Variants in SMYD3 observed in about 807,000 individuals in gnomAD.
SMYD3 encodes histone-lysine N-methyltransferase SMYD3.
In SMYD3, 36 loss-of-function variants were observed where a neutral mutation model predicts 57.7. The ratio of observed to expected loss-of-function variants is 0.62; its 90% CI spans 0.48 to 0.82. SMYD3 has a LOEUF of 0.82. Among genes scored for constraint, SMYD3 ranks in the 40% least tolerant of loss-of-function variants. SMYD3 has a pLI of 0.00. For missense variants in SMYD3, 515 were observed against 538.8 expected, an observed-to-expected ratio of 0.96 and a Z score of 0.44; for synonymous variants, 211 against 195.0, an observed-to-expected ratio of 1.08 and a Z score of -0.68.
At chr1:245,805,156 G>GAA (rs35965611) in intron 10 of SMYD3, among the ~76,000 whole-genome samples, 9 of 128,762 alleles carry the variant, frequency 7.0e-5, no homozygotes, top group African/African-American at 1.9e-4. Context: ...AAGTGAGAAT[G>GAA]AAAAAAAAAA....
intron 5 of SMYD3, 61 bp from the exon 6 acceptor site, chr1:245,929,998 GA>G: frequency 6.8e-7 from 1 of 1,478,302 alleles, no homozygotes. Context: ...TCATAGCCAA[GA>G]GAATAAAAAA....
chr1:246,457,027 C>T lies in SMYD3; in HGVS notation c.164+50027G>A, dbSNP rs80082468. Among the ~76,000 whole-genome samples the T allele has an allele frequency of 5.1e-3, 774 of 152,328 alleles. 9 individuals carry two copies. Among genetic ancestry groups the T allele is most frequent in the African/African-American group, 0.017 (721 of 41,562 alleles). Reference sequence around the variant, plus strand: ...ATTTAAGTTCTCCTTTGTGCTTTCACTTCTACAGCCTTATATGGAGCCTTC... The same window carrying T: ...ATTTAAGTTCTCCTTTGTGCTTTCATTTCTACAGCCTTATATGGAGCCTTC... On this transcript the variant is annotated intron_variant, in intron 1 of 11. Coordinates refer to ENST00000490107, the MANE Select transcript of SMYD3 (RefSeq NM_001167740.2).
At chr1:245,920,276 G>A (rs1178101002) in intron 7 of SMYD3, among the ~76,000 whole-genome samples, 3 of 131,964 alleles carry the variant, frequency 2.3e-5, no homozygotes, top group African/African-American at 5.8e-5. Context: ...TCATGCCACT[G>A]CACTCCAGCC....
chr1:245,828,709 A>AT lies in SMYD3; in HGVS notation c.1076+29786dup, dbSNP rs10626820. ...TAGGACATGGATGTCAGTTTTTCTG[A>AT]TTTTTTTTTTTTTGAGACAGGGTCT... On this transcript the variant is annotated intron_variant, in intron 10 of 11. Transcript: ENST00000490107. Among the ~76,000 whole-genome samples, 659 of 146,636 alleles carry AT rather than the reference A, an allele frequency of 4.5e-3. 3 individuals are homozygous for AT. Among genetic ancestry groups the AT allele is most frequent in the East Asian group, 0.015 (74 of 4,994 alleles).
chr1:246,195,464 C>T (rs1301763207), intron 5 of SMYD3, among the ~76,000 whole-genome samples: 1 of 152,116 alleles, frequency 6.6e-6, no homozygotes, highest in Non-Finnish European at 1.5e-5. Flanking sequence ...ACTCCAGTGA[C>T]CTACAAGGTA....
chr1:246,367,715 A>G (rs987703265), intron 1 of SMYD3, among the ~76,000 whole-genome samples: 4 of 152,176 alleles, frequency 2.6e-5, no homozygotes, highest in African/African-American at 9.7e-5. Context: ...TACAGGCGTG[A>G]GCCACCATGC....
intron 5 of SMYD3, among the ~76,000 whole-genome samples, chr1:245,962,272 G>C (rs187713984): frequency 6.6e-6 from 1 of 152,168 alleles, no homozygotes; most frequent in African/African-American, 2.4e-5. Flanking sequence ...GGGACTTGAC[G>C]CAAGTGGCTT....
chr1:246,369,626 A>G (rs2066162380), intron 1 of SMYD3, among the ~76,000 whole-genome samples: 1 of 152,140 alleles, frequency 6.6e-6, no homozygotes, highest in East Asian at 1.9e-4. Flanking sequence ...TCCCAGGCTC[A>G]GGTGATTCTC....
intron 1 of SMYD3, among the ~76,000 whole-genome samples, chr1:246,459,634 A>C (rs560846424): frequency 4.8e-4 from 73 of 152,312 alleles, no homozygotes; most frequent in African/African-American, 1.7e-3. Flanking sequence ...CTGTGAGTCA[A>C]TTAAACTGCT....
intron 8 of SMYD3, among the ~76,000 whole-genome samples, chr1:245,908,380 G>C (rs2054728946): frequency 6.6e-6 from 1 of 152,172 alleles, no homozygotes; most frequent in Non-Finnish European, 1.5e-5. Flanking sequence ...TAAATAGACA[G>C]AGAGACCCCA....
intron 5 of SMYD3, among the ~76,000 whole-genome samples, chr1:246,233,236 A>G (rs1444058694): frequency 4.2e-5 from 5 of 119,296 alleles, no homozygotes; most frequent in African/African-American, 9.6e-5. Context: ...TACCACACAG[A>G]GGAGAAGCAC....
intron 1 of SMYD3, among the ~76,000 whole-genome samples, chr1:246,428,251 A>C (rs966428250): frequency 1.3e-5 from 2 of 152,216 alleles, no homozygotes; most frequent in South Asian, 4.1e-4. Context: ...TAAAGTATGC[A>C]GTGGGAAGGA....
intron 5 of SMYD3, among the ~76,000 whole-genome samples, chr1:246,181,349 T>G (rs1369100135): frequency 6.6e-6 from 1 of 152,200 alleles, no homozygotes; most frequent in East Asian, 1.9e-4. Flanking sequence ...CTTGACATTA[T>G]ACTCAGCTGT....
At chr1:245,874,089 T>C (rs2052364061) in intron 8 of SMYD3, among the ~76,000 whole-genome samples, 2 of 152,244 alleles carry the variant, frequency 1.3e-5, no homozygotes, top group African/African-American at 4.8e-5. Flanking sequence ...TGTAAATGCC[T>C]TTGTTCTGAT....
chr1:245,858,818 T>C (rs2148479096), intron 9 of SMYD3, 148 bp from the exon 10 acceptor site: 3 of 759,668 alleles, frequency 3.9e-6, no homozygotes, highest in Non-Finnish European at 6.2e-6. Context: ...GAAAACACAC[T>C]TGAGAAGCAA....
chr1:245,927,911 G>C lies in SMYD3; in HGVS notation c.702+20C>G, dbSNP rs375219309. ...TTTGATAGGAAAGAAGGCCAGGCTG[G>C]GAAGCATGAGTTTCCTTACCTCCTC... On this transcript the variant is annotated intron_variant, in intron 7 of 11. Transcript: ENST00000490107. 3.1e-6 allele frequency: 5 copies of C among 1,595,144 alleles called. No individual in the cohort carries two copies. The African/African-American group carries it at 6.7e-5, about 21-fold the overall frequency.
chr1:246,363,176 C>T (rs1199451139), intron 1 of SMYD3, among the ~76,000 whole-genome samples: 5 of 151,340 alleles, frequency 3.3e-5, no homozygotes, highest in Non-Finnish European at 7.4e-5. Context: ...TGAGGAGCCC[C>T]TCCGCCCGGC....
chr1:246,299,705 G>A (rs922604867), intron 5 of SMYD3, among the ~76,000 whole-genome samples: 8 of 152,182 alleles, frequency 5.3e-5, no homozygotes, highest in African/African-American at 1.9e-4. Flanking sequence ...TGGAACTGGA[G>A]GTCATTATCC....
chr1:246,245,120 C>CTTTTTTTTTTTTTTTTTTTTTT (rs74163421), intron 5 of SMYD3, among the ~76,000 whole-genome samples: 9 of 122,944 alleles, frequency 7.3e-5, no homozygotes, highest in Non-Finnish European at 1.2e-4. Flanking sequence ...CAGCTACTGC[C>CTTTTTTTTTTTTTTTTTTTTTT]TTTTTTTTTT....
Sources: gnomAD v4.1 joint callset for allele counts (sites outside exome capture counted in the v4.1 genomes callset) on GRCh38, gnomAD v4.1.1 for gene constraint, MANE v1.5 for transcripts, NCBI Gene and HGNC (gene_info 2026-07-23, HGNC 2026-07-21) for gene names.